Variants in DACH1 observed in about 807,000 individuals in gnomAD.
The protein encoded by DACH1 is dachshund family transcription factor 1, also known as dachshund homolog 1.
A neutral mutation model predicts 54.2 loss-of-function variants in DACH1; 12 were observed. That is an observed-to-expected ratio of 0.22 (90% CI 0.14 to 0.36). The LOEUF (loss-of-function observed/expected upper bound fraction) is 0.36. DACH1 is among the 10% of genes least tolerant of loss of function. The probability of loss-of-function intolerance (pLI) is 1.00; values close to 1 mark genes in which losing one functional copy is unlikely to be tolerated. For missense variants in DACH1, 805 were observed against 929.8 expected (o/e 0.87, Z 1.75); for synonymous variants, 386 against 366.2 (o/e 1.05, Z -0.62).
intron 1 of DACH1, among the ~76,000 whole-genome samples, chr13:71,734,151 TC>T (rs1883887039): frequency 6.8e-6 from 1 of 148,038 alleles, no homozygotes; most frequent in Non-Finnish European, 1.5e-5. Context: ...TATATGTATA[TC>T]CCATATACGT....
intron 6 of DACH1, among the ~76,000 whole-genome samples, chr13:71,536,663 T>C (rs1882825607): frequency 6.6e-6 from 1 of 152,236 alleles, no homozygotes; most frequent in African/African-American, 2.4e-5. Flanking sequence ...CAACAAAAAC[T>C]TGGAGTGTTT....
intron 2 of DACH1, among the ~76,000 whole-genome samples, chr13:71,669,211 G>C (rs1880065505): frequency 6.6e-6 from 1 of 152,248 alleles, no homozygotes; most frequent in East Asian, 1.9e-4. Flanking sequence ...TCCTTGACCT[G>C]TTAGGACCTG....
At chr13:71,546,459 A>T (rs1346718078) in intron 6 of DACH1, among the ~76,000 whole-genome samples, 2 of 152,000 alleles carry the variant, frequency 1.3e-5, no homozygotes, top group South Asian at 2.1e-4. Context: ...TACTATTTTG[A>T]TATGAAATTA....
At chr13:71,513,577 G>A (rs959340323) in intron 6 of DACH1, among the ~76,000 whole-genome samples, 3 of 152,018 alleles carry the variant, frequency 2.0e-5, no homozygotes, top group Non-Finnish European at 2.9e-5. Context: ...TGGAACAGAT[G>A]TTAAATGCAA....
At chr13:71,470,243 AT>A (rs1354262384) in intron 10 of DACH1, among the ~76,000 whole-genome samples, 1 of 152,230 alleles carries the variant, frequency 6.6e-6, no homozygotes, top group Non-Finnish European at 1.5e-5. Flanking sequence ...CAAACGAAGA[AT>A]AAACACATCC....
chr13:71,700,323 C>T (rs993900687), intron 1 of DACH1, among the ~76,000 whole-genome samples: 1 of 151,928 alleles, frequency 6.6e-6, no homozygotes, highest in African/African-American at 2.4e-5. Context: ...TTTGGGAGTC[C>T]GAGTTGGGCG....
chr13:71,607,308 T>C (rs1874945900), intron 3 of DACH1, among the ~76,000 whole-genome samples: 1 of 152,054 alleles, frequency 6.6e-6, no homozygotes, highest in Non-Finnish European at 1.5e-5. Context: ...TTTAAATTCA[T>C]GTATACAGGC....
At chr13:71,584,691 TTTAA>T (rs1295876333) in intron 3 of DACH1, among the ~76,000 whole-genome samples, 3 of 152,150 alleles carry the variant, frequency 2.0e-5, no homozygotes, top group African/African-American at 4.8e-5. Context: ...TTGAAAATCA[TTTAA>T]TTATGTGCAT....
intron 3 of DACH1, among the ~76,000 whole-genome samples, chr13:71,582,722 A>T (rs1309290561): frequency 6.6e-6 from 1 of 152,168 alleles, no homozygotes; most frequent in African/African-American, 2.4e-5. Flanking sequence ...TTTATATGAA[A>T]CCAAATCATT....
intron 7 of DACH1, among the ~76,000 whole-genome samples, chr13:71,481,970 G>A (rs1363294076): frequency 6.6e-6 from 1 of 152,182 alleles, no homozygotes; most frequent in South Asian, 2.1e-4. Context: ...TGGCAAAAAT[G>A]TGAATGACAA....
intron 1 of DACH1, among the ~76,000 whole-genome samples, chr13:71,686,028 G>A (rs927084770): frequency 5.3e-5 from 8 of 152,102 alleles, no homozygotes; most frequent in African/African-American, 1.7e-4. Context: ...CTCAATAGTA[G>A]CCACTATCAA....
chr13:71,627,335 C>CAAAAA (rs1221837020), intron 3 of DACH1, among the ~76,000 whole-genome samples: 22 of 70,102 alleles, frequency 3.1e-4, no homozygotes, highest in African/African-American at 9.2e-4. Flanking sequence ...AACGCTCTTA[C>CAAAAA]AAAAAAAAAA....
chr13:71,761,540 A>G (rs897539878), intron 1 of DACH1, among the ~76,000 whole-genome samples: 1 of 152,272 alleles, frequency 6.6e-6, no homozygotes, highest in African/African-American at 2.4e-5. Context: ...TCCCTTTCTT[A>G]TGGGATTCTT....
chr13:71,820,487 A>G (rs1888144656), intron 1 of DACH1, among the ~76,000 whole-genome samples: 1 of 152,190 alleles, frequency 6.6e-6, no homozygotes. Flanking sequence ...ATCTATTCCA[A>G]GTGCTAAGGA....
intron 1 of DACH1, among the ~76,000 whole-genome samples, chr13:71,777,945 C>T (rs750921017): frequency 1.3e-5 from 2 of 151,774 alleles, no homozygotes; most frequent in Non-Finnish European, 2.9e-5. Flanking sequence ...GGTAAAACCT[C>T]ATCTCTACAA....
intron 6 of DACH1, among the ~76,000 whole-genome samples, chr13:71,525,472 A>G (rs1167333503): frequency 3.3e-5 from 5 of 152,182 alleles, no homozygotes; most frequent in African/African-American, 1.2e-4. Flanking sequence ...TTTAAACAAT[A>G]TAAATTATTT....
Position 71,542,933 on chromosome 13 carries a change from T to C in DACH1, c.1570+14091A>G, listed in dbSNP as rs532279249. 5.9e-5 allele frequency among the ~76,000 whole-genome samples: 9 copies of C among 152,256 alleles called. No homozygotes were observed. The South Asian group carries it at 1.2e-3, about 21-fold the overall frequency. On this transcript the variant is annotated intron_variant, in intron 6 of 10. Transcript: ENST00000613252. ...TCAGCTATTTTACTATCAGAAATTA[T>C]TCCAAGTCTATGAAAGCTCTTAGTC... is the stretch of plus-strand genomic sequence containing the variant.
intron 4 of DACH1, among the ~76,000 whole-genome samples, chr13:71,562,535 G>A (rs1401806799): frequency 1.3e-5 from 2 of 152,016 alleles, no homozygotes; most frequent in Non-Finnish European, 2.9e-5. Context: ...CAGAAAGATG[G>A]CATCCAACTT....
intron 1 of DACH1, among the ~76,000 whole-genome samples, chr13:71,689,429 G>T (rs563592982): frequency 6.6e-6 from 1 of 152,210 alleles, no homozygotes; most frequent in East Asian, 1.9e-4. Flanking sequence ...CATCTAACTT[G>T]AAACATTTTA....
Sources: allele counts gnomAD v4.1 joint callset (sites outside exome capture counted in the v4.1 genomes callset), GRCh38; gene constraint gnomAD v4.1.1; transcripts MANE v1.5; gene names NCBI Gene and HGNC (gene_info 2026-07-23, HGNC 2026-07-21).